ST8SIA6: variants seen among roughly 807,000 people sequenced by gnomAD.
ST8SIA6 encodes ST8 alpha-N-acetyl-neuraminide alpha-2,8-sialyltransferase 6.
ST8SIA6 carries 39 observed loss-of-function variants against 33.6 expected under a neutral mutation model. The observed-to-expected ratio is 1.16, with a 90% CI of 0.90 to 1.52. ST8SIA6 has a LOEUF of 1.52. Ranked by LOEUF, ST8SIA6 falls within the 40% of genes most tolerant of loss-of-function variation. The pLI, the probability that ST8SIA6 is intolerant of heterozygous loss-of-function variation, is 0.00. For synonymous variants in ST8SIA6, 172 were observed against 167.2 expected, an observed-to-expected ratio of 1.03 and a Z score of -0.22; for missense variants, 441 against 443.8, an observed-to-expected ratio of 0.99 and a Z score of 0.06.
chr10:17,327,313 G>T (rs117839568), intron 5 of ST8SIA6, among the ~76,000 whole-genome samples, 187 bp from the exon 6 acceptor site: 2 of 152,150 alleles, frequency 1.3e-5, no homozygotes, highest in African/African-American at 4.8e-5. Flanking sequence ...GGGGCTGGGC[G>T]CAGTGGCTCA....
chr10:17,397,918 T>C (rs1326078213), intron 2 of ST8SIA6, among the ~76,000 whole-genome samples: 2 of 152,228 alleles, frequency 1.3e-5, no homozygotes, highest in Non-Finnish European at 2.9e-5. Context: ...TAAAAAATTA[T>C]ATCTGTATAA....
intron 4 of ST8SIA6, among the ~76,000 whole-genome samples, chr10:17,355,790 C>G (rs1849171259): frequency 6.6e-6 from 1 of 152,228 alleles, no homozygotes; most frequent in Non-Finnish European, 1.5e-5. Flanking sequence ...GATCTCCATG[C>G]ATCAGATCCT....
chr10:17,338,135 A>T (rs547316621), intron 4 of ST8SIA6, among the ~76,000 whole-genome samples: 122 of 151,262 alleles, frequency 8.1e-4, no homozygotes, highest in Non-Finnish European at 1.4e-3. Flanking sequence ...CCCGGGTTCA[A>T]TTGATTCTCC....
At chr10:17,350,925 A>T (rs1849010038) in intron 4 of ST8SIA6, among the ~76,000 whole-genome samples, 1 of 152,254 alleles carries the variant, frequency 6.6e-6, no homozygotes, top group Non-Finnish European at 1.5e-5. Context: ...CTGTACATTT[A>T]GAATCAGAAA....
At chr10:17,410,353 T>C (rs899892574) in intron 2 of ST8SIA6, 3 of 152,180 alleles carry the variant, frequency 2.0e-5, no homozygotes, top group Non-Finnish European at 4.4e-5. Context: ...TGTCAAAAAA[T>C]AATGATGATT....
In ST8SIA6 at chr10:17,345,654, G is replaced by T. The variant is rs139382419; in HGVS notation, c.377+13860C>A. The stretch of plus-strand genomic sequence containing the variant: ...ATGGAGAACTAGGTGGAGAATGCTG[G>T]AGAACTATAGCAAGAGTCTTACAGG... On this transcript the variant is annotated intron_variant, in intron 4 of 7. Coordinates refer to ENST00000377602, the MANE Select transcript of ST8SIA6 (RefSeq NM_001004470.3). Among the ~76,000 whole-genome samples, 6 of 152,270 alleles carry T rather than the reference G, an allele frequency of 3.9e-5. No homozygotes were observed. The East Asian group carries it at 1.2e-3, about 29-fold the overall frequency.
In ST8SIA6 at chr10:17,317,250, A is replaced by AT. The variant is rs1177249777; in HGVS notation, c.*3627dup. On this transcript the variant is annotated 3_prime_UTR_variant, in exon 8 of 8. Transcript: ENST00000377602. ...CGCATCTTTATCATATATCACCCAC[A>AT]TTTTTTTTATAAAAAGAAGAATGCT... Among the ~76,000 whole-genome samples the AT allele has an allele frequency of 9.2e-5, 14 of 152,002 alleles. No individual in the cohort carries two copies. Among genetic ancestry groups the AT allele is most frequent in the East Asian group, 3.9e-4 (2 of 5,174 alleles).
intron 2 of ST8SIA6, among the ~76,000 whole-genome samples, chr10:17,415,132 C>T (rs1453914906): frequency 6.6e-6 from 1 of 152,156 alleles, no homozygotes; most frequent in Non-Finnish European, 1.5e-5. Context: ...ACTTCTCTAA[C>T]AAATTATCTA....
intron 2 of ST8SIA6, among the ~76,000 whole-genome samples, chr10:17,421,796 A>G (rs1245608740): frequency 6.6e-6 from 1 of 152,118 alleles, no homozygotes; most frequent in East Asian, 1.9e-4. Context: ...CAAACTCCTG[A>G]GCTCCAGTCA....
At chr10:17,323,875 A>T (rs1043613677) in intron 6 of ST8SIA6, among the ~76,000 whole-genome samples, 4 of 152,146 alleles carry the variant, frequency 2.6e-5, no homozygotes, top group African/African-American at 9.7e-5. Flanking sequence ...ATTCTTAAAA[A>T]CTTGATGTAC....
chr10:17,442,724 A>G (rs962778670), intron 2 of ST8SIA6, among the ~76,000 whole-genome samples: 1 of 152,262 alleles, frequency 6.6e-6, no homozygotes, highest in Non-Finnish European at 1.5e-5. Flanking sequence ...AGAAATAATT[A>G]TAGATATGGG....
intron 2 of ST8SIA6, among the ~76,000 whole-genome samples, chr10:17,444,810 G>A (rs1278104194): frequency 6.6e-6 from 1 of 152,216 alleles, no homozygotes; most frequent in African/African-American, 2.4e-5. Context: ...AGATGGGGGA[G>A]AAACCCCTCT....
At chr10:17,393,672 T>C (rs918426806) in intron 2 of ST8SIA6, among the ~76,000 whole-genome samples, 9 of 152,086 alleles carry the variant, frequency 5.9e-5, no homozygotes, top group Admixed American at 1.3e-4. Flanking sequence ...AGTGGACAGA[T>C]TTGAGATCCA....
chr10:17,387,497 C>T lies in ST8SIA6; in HGVS notation c.290+3034G>A, dbSNP rs910927700. Among the ~76,000 whole-genome samples the T allele has an allele frequency of 4.6e-5, 7 of 151,542 alleles. No homozygotes were observed. The South Asian group carries it at 1.0e-3, about 23-fold the overall frequency. On this transcript the variant is annotated intron_variant, in intron 3 of 7. Transcript: ENST00000377602. ...GGTCTGGCTGGTCTCGAACTCCCCA[C>T]CTCGGGTGATCTGCCCGCCTCAGCC...
chr10:17,352,612 A>T (rs1849071012), intron 4 of ST8SIA6, among the ~76,000 whole-genome samples: 1 of 152,186 alleles, frequency 6.6e-6, no homozygotes, highest in African/African-American at 2.4e-5. Context: ...AATATTGAGT[A>T]CAACTTGGGA....
At chr10:17,420,343 C>G (rs1000075909) in intron 2 of ST8SIA6, among the ~76,000 whole-genome samples, 1 of 152,080 alleles carries the variant, frequency 6.6e-6, no homozygotes, top group Non-Finnish European at 1.5e-5. Context: ...ACCCGAGAAG[C>G]GGAGCTTGCA....
chr10:17,453,733 C>G, intron 1 of ST8SIA6, 76 bp from the exon 2 acceptor site: 1 of 1,147,160 alleles, frequency 8.7e-7, no homozygotes, highest in East Asian at 3.2e-5. Flanking sequence ...GAGTCGCGCT[C>G]CTTGCCTGGC....
intron 2 of ST8SIA6, among the ~76,000 whole-genome samples, chr10:17,450,465 G>A (rs980587913): frequency 7.9e-5 from 12 of 152,066 alleles, no homozygotes; most frequent in African/African-American, 2.4e-4. Context: ...TTTTGAGACA[G>A]AGCCTTGGCC....
rs1280273153 is a variant in ST8SIA6 at position 17,359,615 on chromosome 10, T to C, written c.291-15A>G. 2.7e-6 allele frequency: 4 copies of C among 1,494,818 alleles called. 1 individual carries two copies. In the South Asian group the frequency reaches 4.8e-5, roughly 18 times the overall value. The allele number at this position is 1,494,818 out of a possible 1,614,324, so 92.6% of individuals were successfully genotyped here. ...TCTCTGAATACCTAAAAATTAAATG[T>C]CAATATAATTAGAAAATAATGATCT... On this transcript the variant is annotated splice_polypyrimidine_tract_variant and intron_variant, in intron 3 of 7. Transcript: ENST00000377602.
Sources: allele counts gnomAD v4.1 joint callset (sites outside exome capture counted in the v4.1 genomes callset), GRCh38; gene constraint gnomAD v4.1.1; transcripts MANE v1.5; gene names NCBI Gene and HGNC (gene_info 2026-07-23, HGNC 2026-07-21).